Variants in RTCA observed in about 807,000 individuals in gnomAD.
The protein encoded by RTCA is RNA terminal phosphate cyclase domain 1.
RTCA carries 37 observed loss-of-function variants against 46.1 expected under a neutral mutation model. The observed-to-expected ratio is 0.80, with a 90% CI of 0.62 to 1.06. The LOEUF (loss-of-function observed/expected upper bound fraction) is 1.06. Ranked by LOEUF, RTCA falls within the 50% of genes least tolerant of loss-of-function variation. RTCA has a pLI of 0.00. For synonymous variants in RTCA, 164 were observed against 158.3 expected (o/e 1.04, Z -0.27); for missense variants, 435 against 455.5 (o/e 0.95, Z 0.41).
intron 2 of RTCA, chr1:100,267,643 A>G: frequency 9.2e-7 from 1 of 1,082,282 alleles, no homozygotes; most frequent in Non-Finnish European, 1.2e-6. Flanking sequence ...GCGTCTCTGT[A>G]TGTTCTAGTT....
chr1:100,281,016 TAAAAC>T (rs1305162566), intron 8 of RTCA, among the ~76,000 whole-genome samples: 1 of 151,878 alleles, frequency 6.6e-6, no homozygotes, highest in African/African-American at 2.4e-5. Flanking sequence ...CTCAAAAAAA[TAAAAC>T]AAAACTACCA....
chr1:100,279,870 C>T (rs1457762879), intron 8 of RTCA, among the ~76,000 whole-genome samples: 3 of 152,040 alleles, frequency 2.0e-5, no homozygotes, highest in South Asian at 4.1e-4. Context: ...ACAGAAATAT[C>T]GACAGGCCAG....
chr1:100,285,230 GTAAA>G lies in RTCA; in HGVS notation c.804_807del (p.Asn269GlnfsTer13). The G allele has an allele frequency of 6.2e-7, 1 of 1,611,426 alleles. No individual in the cohort carries two copies. Among genetic ancestry groups the G allele is most frequent in the Non-Finnish European group, 8.5e-7 (1 of 1,177,874 alleles). On this transcript the variant is annotated frameshift_variant, in exon 9 of 11. Transcript: ENST00000370128. LOFTEE classifies it high-confidence loss of function. ...TTTAATGTTGTGCTTATCTTAAGGT[GTAAA>G]TGCAGACAAAGTTGGAATTGAAGCT...
intron 7 of RTCA, 34 bp from the exon 8 acceptor site, chr1:100,277,224 A>G: frequency 6.3e-7 from 1 of 1,587,712 alleles, no homozygotes; most frequent in African/African-American, 1.3e-5. Flanking sequence ...GAACATTTAT[A>G]GCAAAGGTAG....
Position 100,266,526 on chromosome 1 carries a change from C to T in RTCA, c.48C>T (p.Gly16=). Residue 16 remains glycine, a splice_region_variant and synonymous_variant, in exon 2 of 11, where the codon GGC becomes GGT. Transcript: ENST00000370128. ...VEVDGSIMEG[G]GQILRVSTAL... ...TCCCTGTACCCCAACCTTTGCAGGG[C>T]GGCCAGATCCTGAGAGTCTCTACGG... The T allele has an allele frequency of 6.2e-7, 1 of 1,612,874 alleles. No homozygotes were observed. Among genetic ancestry groups the T allele is most frequent in the Non-Finnish European group, 8.5e-7 (1 of 1,178,978 alleles).
At chr1:100,269,700 G>A (rs1378127559) in intron 3 of RTCA, among the ~76,000 whole-genome samples, 1 of 151,982 alleles carries the variant, frequency 6.6e-6, no homozygotes, top group Admixed American at 6.6e-5. Context: ...TTTAAGTTCT[G>A]GATACATGTG....
chr1:100,278,255 T>G (rs1364905718), intron 8 of RTCA, among the ~76,000 whole-genome samples: 1 of 152,236 alleles, frequency 6.6e-6, no homozygotes, highest in Non-Finnish European at 1.5e-5. Context: ...TATTGATGAT[T>G]CTTCTCTGCA....
chr1:100,278,115 G>T (rs1364522784), intron 8 of RTCA, among the ~76,000 whole-genome samples: 3 of 152,190 alleles, frequency 2.0e-5, no homozygotes, highest in African/African-American at 7.2e-5. Context: ...TTAAGGAGGT[G>T]TGTCCTGCAG....
At chr1:100,283,353 T>C (rs1250628017) in intron 8 of RTCA, among the ~76,000 whole-genome samples, 1 of 151,286 alleles carries the variant, frequency 6.6e-6, no homozygotes, top group African/African-American at 2.4e-5. Context: ...GTATTTTTAG[T>C]ATTTCACCAT....
At chr1:100,268,497 C>G (rs1358780095) in intron 3 of RTCA, among the ~76,000 whole-genome samples, 1 of 151,870 alleles carries the variant, frequency 6.6e-6, no homozygotes, top group Admixed American at 6.6e-5. Flanking sequence ...CTGGGCCCAA[C>G]AGGTCCTCCC....
intron 2 of RTCA, chr1:100,267,252 A>G (rs1359177078): frequency 9.7e-6 from 4 of 411,528 alleles, no homozygotes; most frequent in East Asian, 3.6e-5. Flanking sequence ...CTTTGTATGT[A>G]TTCTGTATTT....
chr1:100,279,610 TA>T (rs1417555411), intron 8 of RTCA, among the ~76,000 whole-genome samples: 1 of 151,194 alleles, frequency 6.6e-6, no homozygotes, highest in Non-Finnish European at 1.5e-5. Flanking sequence ...TTCCATCTCT[TA>T]AAATTTTTTT....
chr1:100,287,703 C>T (rs529311508), intron 10 of RTCA, among the ~76,000 whole-genome samples: 2 of 152,010 alleles, frequency 1.3e-5, no homozygotes, highest in Admixed American at 1.3e-4. Flanking sequence ...TATTCACTGT[C>T]CTCTGAAATT....
chr1:100,286,686 A>G (rs1184770831), intron 9 of RTCA, among the ~76,000 whole-genome samples: 1 of 152,106 alleles, frequency 6.6e-6, no homozygotes, highest in East Asian at 1.9e-4. Context: ...TGTTATTTCT[A>G]GTCTCCTCCT....
rs1422173143 is a variant in RTCA at position 100,283,944 on chromosome 1, AAAAAAGAAAAAAC to A, written c.800-1281_800-1269del. 4.0e-3 allele frequency among the ~76,000 whole-genome samples: 542 copies of A among 136,000 alleles called. 13 individuals carry two copies. Among genetic ancestry groups the A allele is most frequent in the African/African-American group, 0.015 (523 of 34,082 alleles). 89.2% of individuals were successfully genotyped at this position (136,000 alleles called of 152,430 possible). Reference sequence around the variant, plus strand: ...CGCTAAAAAAAAAAAAGAAAAAAAAAAAAAAGAAAAAACAAGAAAAAACAAGAAAAACAAAGAA... The same window carrying A: ...CGCTAAAAAAAAAAAAGAAAAAAAAAAAGAAAAAACAAGAAAAACAAAGAA... On this transcript the variant is annotated intron_variant, in intron 8 of 10. Coordinates refer to ENST00000370128, the MANE Select transcript of RTCA (RefSeq NM_003729.4).
At chr1:100,271,048 G>A (rs977314039) in intron 4 of RTCA, among the ~76,000 whole-genome samples, 1 of 151,606 alleles carries the variant, frequency 6.6e-6, no homozygotes, top group African/African-American at 2.4e-5. Flanking sequence ...TCCCACCTCA[G>A]CCTCCCAAAT....
intron 8 of RTCA, among the ~76,000 whole-genome samples, chr1:100,283,233 C>T (rs560208481): frequency 6.4e-5 from 9 of 140,522 alleles, no homozygotes; most frequent in South Asian, 4.5e-4. Flanking sequence ...TGCAGTGGCA[C>T]GATCTCAGCT....
At position 100,266,223 on chromosome 1, in the gene RTCA, C is replaced by A. The variant is rs958500407; in HGVS notation, c.-153C>A. Reference sequence around the variant, plus strand: ...TTCGTTTCTGCTGACTCCAGTGTCCCGAGAGGCGCCGCTTCTTCCGCTTTC... The same window carrying A: ...TTCGTTTCTGCTGACTCCAGTGTCCAGAGAGGCGCCGCTTCTTCCGCTTTC... On this transcript the variant is annotated 5_prime_UTR_variant, in exon 1 of 11. Coordinates refer to ENST00000370128, the MANE Select transcript of RTCA (RefSeq NM_003729.4). 8 of 880,614 alleles carry A rather than the reference C, an allele frequency of 9.1e-6. No individual in the cohort carries two copies. Among genetic ancestry groups the A allele is most frequent in the Non-Finnish European group, 1.2e-5 (7 of 584,472 alleles). 54.6% of individuals were successfully genotyped at this position (880,614 alleles called of 1,614,324 possible). A position where few individuals can be genotyped will look rare whatever the true frequency, so the allele number is the denominator to read the frequency against.
intron 6 of RTCA, 132 bp from the exon 7 acceptor site, chr1:100,275,467 C>T (rs1186150305): frequency 6.7e-6 from 4 of 599,386 alleles, no homozygotes; most frequent in East Asian, 3.1e-5. Context: ...ATTCAGTGCT[C>T]TCTTGAAAAT....
Sources: allele counts gnomAD v4.1 joint callset (sites outside exome capture counted in the v4.1 genomes callset), GRCh38; gene constraint gnomAD v4.1.1; transcripts MANE v1.5; gene names NCBI Gene and HGNC (gene_info 2026-07-23, HGNC 2026-07-21).